Variants in UBE2Q1 observed in about 807,000 individuals in gnomAD.
UBE2Q1 encodes ubiquitin conjugating enzyme E2 Q1.
In UBE2Q1, 6 loss-of-function variants were observed where a neutral mutation model predicts 60.1. The ratio of observed to expected loss-of-function variants is 0.10; its 90% CI spans 0.05 to 0.20. The LOEUF is 0.20. UBE2Q1 is among the 10% of genes least tolerant of loss of function. The pLI is 1.00. For missense variants in UBE2Q1, 262 were observed against 525.8 expected, an observed-to-expected ratio of 0.50 and a Z score of 4.91; for synonymous variants, 226 against 208.3, an observed-to-expected ratio of 1.09 and a Z score of -0.73.
chr1:154,555,766 G>T (rs988084447), intron 2 of UBE2Q1, 94 bp downstream of exon 2: 1 of 1,192,458 alleles, frequency 8.4e-7, no homozygotes, highest in East Asian at 2.4e-5. Context: ...GTTTAGCTGT[G>T]TACCGTCCAC....
In UBE2Q1 at chr1:154,550,051, TA is replaced by T. The variant is rs1695768019; in HGVS notation, c.*386del. 5.4e-6 allele frequency: 1 copy of T among 185,902 alleles called. No homozygotes were observed. Among genetic ancestry groups the T allele is most frequent in the South Asian group, 1.6e-4 (1 of 6,220 alleles). 11.5% of individuals were successfully genotyped at this position (185,902 alleles called of 1,614,324 possible). On this transcript the variant is annotated 3_prime_UTR_variant, in exon 13 of 13. Coordinates refer to ENST00000292211, the MANE Select transcript of UBE2Q1 (RefSeq NM_017582.7). ...TTTCATACACATCCATCATACACTGTAACCAAAAAAAGCAGTGTACATGAAA... is the reference window on the plus strand; with the variant it reads ...TTTCATACACATCCATCATACACTGTACCAAAAAAAGCAGTGTACATGAAA...
chr1:154,557,580 G>A (rs1695914515), intron 1 of UBE2Q1, among the ~76,000 whole-genome samples: 1 of 152,188 alleles, frequency 6.6e-6, no homozygotes, highest in South Asian at 2.1e-4. Flanking sequence ...ATATCCATAG[G>A]GAACAGGCAG....
Position 154,549,212 on chromosome 1 carries a change from A to C in UBE2Q1, c.*1226T>G, listed in dbSNP as rs890412144. The C allele has an allele frequency of 2.0e-5, 3 of 152,312 alleles. No homozygotes were observed. Among genetic ancestry groups the C allele is most frequent in the Non-Finnish European group, 1.5e-5 (1 of 68,086 alleles). The allele number at this position is 152,312 out of a possible 1,614,324, so 9.4% of individuals were successfully genotyped here. On this transcript the variant is annotated 3_prime_UTR_variant, in exon 13 of 13. Transcript: ENST00000292211. ...AACTTTTACAACAGCAAGTACATACAACACAGCACTGACAGTTCCATCTCA... is the reference window on the plus strand; with the variant it reads ...AACTTTTACAACAGCAAGTACATACCACACAGCACTGACAGTTCCATCTCA...
chr1:154,553,847 G>C lies in UBE2Q1; in HGVS notation c.589-675C>G, dbSNP rs114336331. Reference sequence around the variant, plus strand: ...TATGTAGGGTTGAGCCCCTCAGCCAGATGTTGGGGGTGTGGCCCAGAGGGC... The same window carrying C: ...TATGTAGGGTTGAGCCCCTCAGCCACATGTTGGGGGTGTGGCCCAGAGGGC... On this transcript the variant is annotated intron_variant, in intron 4 of 12. Transcript: ENST00000292211. 8.5e-3 allele frequency among the ~76,000 whole-genome samples: 1,290 copies of C among 152,374 alleles called. 24 individuals are homozygous for C. Among genetic ancestry groups the C allele is most frequent in the African/African-American group, 0.03 (1,237 of 41,588 alleles).
Position 154,558,460 on chromosome 1 carries a change from C to A in UBE2Q1, c.94G>T (p.Gly32Trp). Residue 32 changes from glycine to tryptophan, a missense_variant, in exon 1 of 13, where the codon GGG (glycine) becomes TGG (tryptophan). Transcript: ENST00000292211. ...CAGGGCCCCGGCCCCGGGCCCCCCC[C>A]TGGGCCGCCCCCGGCCCCCGGCGCC... is the stretch of plus-strand genomic sequence containing the variant. ...GAAPGAGGGP[G>W]GGPGPGPCLR... is the part of the protein sequence containing the mutation. 3 of 1,375,532 alleles carry A rather than the reference C, an allele frequency of 2.2e-6. No homozygotes were observed. Among genetic ancestry groups the A allele is most frequent in the South Asian group, 3.3e-5 (2 of 61,518 alleles). The allele number at this position is 1,375,532 out of a possible 1,614,324, so 85.2% of individuals were successfully genotyped here.
At chr1:154,554,674 G>A in intron 4 of UBE2Q1, 61 bp downstream of exon 4, 1 of 1,537,492 alleles carries the variant, frequency 6.5e-7, no homozygotes, top group Non-Finnish European at 8.9e-7. Context: ...TCTGGATATG[G>A]GTACCAATGT....
chr1:154,555,362 A>G, intron 3 of UBE2Q1, 66 bp downstream of exon 3: 1 of 1,370,238 alleles, frequency 7.3e-7, no homozygotes, highest in Non-Finnish European at 1.0e-6. Flanking sequence ...ATTTGTCTCA[A>G]TTATTTACTG....
intron 11 of UBE2Q1, 168 bp from the exon 12 acceptor site, chr1:154,551,172 A>G (rs900060376): frequency 1.1e-6 from 1 of 887,784 alleles, no homozygotes; most frequent in African/African-American, 1.7e-5. Flanking sequence ...GCATAATCCC[A>G]TAGTCTTCCT....
At chr1:154,550,613 C>G in intron 12 of UBE2Q1, 144 bp from the exon 13 acceptor site, 2 of 1,509,656 alleles carry the variant, frequency 1.3e-6, no homozygotes, top group Non-Finnish European at 1.8e-6. Flanking sequence ...GTATGGGAAG[C>G]TGAGAGCCTG....
rs1695753034 is a variant in UBE2Q1 at position 154,549,403 on chromosome 1, G to T, written c.*1035C>A. 1 of 152,368 alleles carries T rather than the reference G, an allele frequency of 6.6e-6. No individual in the cohort carries two copies. The highest frequency in any genetic ancestry group is 2.4e-5 in the African/African-American group (1 of 41,584). The allele number at this position is 152,368 out of a possible 1,614,324, so 9.4% of individuals were successfully genotyped here. A position where few individuals can be genotyped will look rare whatever the true frequency, so the allele number is the denominator to read the frequency against. On this transcript the variant is annotated 3_prime_UTR_variant, in exon 13 of 13. Transcript: ENST00000292211. Reference sequence around the variant, plus strand: ...TAATTTCCCAAGCCAAACAAATTCAGAGCTAGGTCTGTTCTTTTTGATAAA... The same window carrying T: ...TAATTTCCCAAGCCAAACAAATTCATAGCTAGGTCTGTTCTTTTTGATAAA...
Position 154,558,554 on chromosome 1 carries a change from C to CTTCCG in UBE2Q1, c.-2_-1insCGGAA. ...GCCCCTGCGGCTGCGGCTGCTGCAT[C>CTTCCG]CTCCGCTCCGCTCCGCTCCGGGGCC... On this transcript the variant is annotated 5_prime_UTR_variant, in exon 1 of 13. Transcript: ENST00000292211. 9.4e-7 allele frequency: 1 copy of CTTCCG among 1,059,202 alleles called. No homozygotes were observed. The highest frequency in any genetic ancestry group is 4.4e-5 in the South Asian group (1 of 22,738). 65.6% of individuals were successfully genotyped at this position (1,059,202 alleles called of 1,614,324 possible).
chr1:154,555,476 A>T lies in UBE2Q1; in HGVS notation c.489T>A (p.Pro163=), dbSNP rs866447422. The change falls in exon 3 of 13, where the codon CCT becomes CCA. Residue 163 remains proline, a synonymous_variant. Coordinates refer to ENST00000292211, the MANE Select transcript of UBE2Q1 (RefSeq NM_017582.7). ...ISDLCKLYNL[P]QHPDVEMLDQ... is the part of the protein sequence containing the mutation. ...CCAGCATCTCCACATCTGGATGCTG[A>T]GGGAGGTTATAGAGTTTACACAGGT... The T allele has an allele frequency of 2.5e-6, 4 of 1,614,106 alleles. No individual in the cohort carries two copies. In the Middle Eastern group the frequency reaches 6.6e-4, roughly 267 times the overall value.
intron 1 of UBE2Q1, among the ~76,000 whole-genome samples, chr1:154,556,538 C>T (rs1452010775): frequency 6.6e-6 from 1 of 152,238 alleles, no homozygotes. Context: ...CAATTCTCCC[C>T]ACCTCTCCCT....
At chr1:154,555,649 G>C (rs1695871021) in intron 2 of UBE2Q1, 117 bp from the exon 3 acceptor site, 2 of 1,038,648 alleles carry the variant, frequency 1.9e-6, no homozygotes, top group African/African-American at 3.1e-5. Flanking sequence ...AGCCTTATGG[G>C]CCACGTGGCT....
chr1:154,550,957 C>T lies in UBE2Q1; in HGVS notation c.1218G>A (p.Val406=). The T allele has an allele frequency of 6.2e-7, 1 of 1,614,120 alleles. No individual in the cohort carries two copies. The highest frequency in any genetic ancestry group is 1.3e-5 in the African/African-American group (1 of 75,028). ...TRAQQSYKSL[V]QIHEKNGWYT... The stretch of plus-strand genomic sequence containing the variant: ...CCTCACCGTTTTTTTCGTGGATCTG[C>T]ACCAAGGACTTGTAGGACTGCTGTG... Residue 406 remains valine, a synonymous_variant, in exon 12 of 13, where the codon GTG becomes GTA. Transcript: ENST00000292211.
intron 12 of UBE2Q1, 104 bp from the exon 13 acceptor site, chr1:154,550,573 T>C (rs1240096051): frequency 6.3e-7 from 1 of 1,581,618 alleles, no homozygotes; most frequent in African/African-American, 1.3e-5. Context: ...AAGAGGATAT[T>C]GGGGAGGGCT....
rs1695782705 is a variant in UBE2Q1 at position 154,551,008 on chromosome 1, G to A, written c.1171-4C>T. 5 of 1,614,030 alleles carry A rather than the reference G, an allele frequency of 3.1e-6. No homozygotes were observed. Among genetic ancestry groups the A allele is most frequent in the Non-Finnish European group, 4.2e-6 (5 of 1,179,978 alleles). ...CTCTTGTCAGACTGTATTGAGACTG[G>A]GGAGAGGAAGCCACCAGATCAGGCC... On this transcript the variant is annotated splice_region_variant and splice_polypyrimidine_tract_variant and intron_variant, in intron 11 of 12. Transcript: ENST00000292211.
rs1695820088 is a variant in UBE2Q1, at chr1:154,553,090, T to C, written c.671A>G (p.Lys224Arg). ...GKKSEDDGIG[K>R]ENLAILEKIK... ...TTTCTCTAGGATGGCCAAGTTTTCT[T>C]TTCCAATGCCATCATCTTCAGATTT... The change falls in exon 5 of 13, where the codon AAA becomes AGA. Residue 224 changes from lysine to arginine, a missense_variant. Physicochemically the swap from Lys to Arg is conservative, Grantham distance 26. This residue lies in a region of UBE2Q1 where 111 missense variants were observed against 266.8 expected (regional missense o/e 0.42). Coordinates refer to ENST00000292211, the MANE Select transcript of UBE2Q1 (RefSeq NM_017582.7). 6.2e-7 allele frequency: 1 copy of C among 1,614,172 alleles called. No individual in the cohort carries two copies. Among genetic ancestry groups the C allele is most frequent in the African/African-American group, 1.3e-5 (1 of 75,058 alleles).
intron 10 of UBE2Q1, 68 bp downstream of exon 10, chr1:154,551,703 G>C: frequency 6.3e-7 from 1 of 1,595,748 alleles, no homozygotes; most frequent in South Asian, 1.1e-5. Context: ...GCCCGTAGGG[G>C]TGTGTGCTGT....
Sources: allele counts gnomAD v4.1 joint callset (sites outside exome capture counted in the v4.1 genomes callset), GRCh38; gene constraint gnomAD v4.1.1; regional missense constraint gnomAD v4.1.1; transcripts MANE v1.5; gene names NCBI Gene and HGNC (gene_info 2026-07-23, HGNC 2026-07-21).